Variants in MOV10L1 observed in about 807,000 individuals in gnomAD.
MOV10L1 encodes the protein RNA helicase Mov10l1.
MOV10L1 carries 110 observed loss-of-function variants against 143.8 expected under a neutral mutation model. The ratio of observed to expected loss-of-function variants is 0.76; its 90% confidence interval spans 0.66 to 0.90. The LOEUF is 0.90. MOV10L1 is among the 40% of genes least tolerant of loss of function. The pLI is 0.00. For missense variants in MOV10L1, 1,406 were observed against 1,526.8 expected, an observed-to-expected ratio of 0.92 and a Z score of 1.32; for synonymous variants, 593 against 581.1, an observed-to-expected ratio of 1.02 and a Z score of -0.29.
intron 12 of MOV10L1, among the ~76,000 whole-genome samples, chr22:50,127,426 G>T (rs933022820): frequency 2.6e-5 from 4 of 152,220 alleles, no homozygotes; most frequent in Non-Finnish European, 4.4e-5. Flanking sequence ...ACTAACGCAT[G>T]TCTCCTGTGT....
chr22:50,120,133 C>T (rs778201577), intron 9 of MOV10L1, among the ~76,000 whole-genome samples: 10 of 152,076 alleles, frequency 6.6e-5, no homozygotes, highest in Admixed American at 1.3e-4. Context: ...AGGGATAGGC[C>T]CAGGTGGAGT....
At chr22:50,108,485 T>C in intron 4 of MOV10L1, 172 bp from the exon 5 acceptor site, 1 of 770,312 alleles carries the variant, frequency 1.3e-6, no homozygotes, top group South Asian at 1.6e-5. Flanking sequence ...AGTGCTAAAA[T>C]GTTCTAAGGA....
intron 2 of MOV10L1, chr22:50,094,668 G>C (rs369773347): frequency 6.6e-6 from 1 of 152,182 alleles, no homozygotes; most frequent in Admixed American, 6.5e-5. Flanking sequence ...AAAGTGCCGG[G>C]ATTACAGGCA....
At chr22:50,095,821 G>A (rs1173987899) in intron 2 of MOV10L1, 1 of 151,500 alleles carries the variant, frequency 6.6e-6, no homozygotes, top group Non-Finnish European at 1.5e-5. Flanking sequence ...TGGTGAAGAG[G>A]GTTCATCTCT....
intron 19 of MOV10L1, among the ~76,000 whole-genome samples, chr22:50,146,793 G>A (rs757727174): frequency 7.9e-5 from 12 of 152,190 alleles, no homozygotes; most frequent in Non-Finnish European, 1.5e-4. Context: ...GTCACGGATG[G>A]TTTCATCGGC....
In MOV10L1 at chr22:50,117,160, T is replaced by A. The variant is rs1261212174; in HGVS notation, c.1263T>A (p.Asn421Lys). Residue 421 changes from asparagine (N) to lysine (K), a missense_variant, in exon 9 of 27, where the codon AAT (asparagine) becomes AAA (lysine). By Grantham distance (94) the Asn-to-Lys change is moderately conservative. Coordinates refer to ENST00000262794, the MANE Select transcript of MOV10L1 (RefSeq NM_018995.3). Reference sequence around the variant, plus strand: ...ATTTCATTTTGTTTTTTTCAAGAAATCCTGGCCGCTGCAAGGAGCTCCTTT... The same window carrying A: ...ATTTCATTTTGTTTTTTTCAAGAAAACCTGGCCGCTGCAAGGAGCTCCTTT... ...TFIVVICDGK[N>K]PGRCKELLLL... 1 of 1,592,358 alleles carries A rather than the reference T, an allele frequency of 6.3e-7. No homozygotes were observed. The highest frequency in any genetic ancestry group is 8.5e-7 in the Non-Finnish European group (1 of 1,170,320).
At chr22:50,146,927 AG>A (rs2063168378) in intron 19 of MOV10L1, 4 of 763,952 alleles carry the variant, frequency 5.2e-6, no homozygotes, top group Non-Finnish European at 8.8e-6. Context: ...TTACACTTAG[AG>A]CATGTCAGGT....
rs2062752780 is a variant in MOV10L1 at position 50,134,047 on chromosome 22, A to T, written c.1951A>T (p.Ile651Phe). 1.9e-6 allele frequency: 3 copies of T among 1,611,794 alleles called. No homozygotes were observed. The highest frequency in any genetic ancestry group is 1.7e-6 in the Non-Finnish European group (2 of 1,179,402). Residue 651 changes from isoleucine to phenylalanine, a missense_variant, in exon 14 of 27, where the codon ATC becomes TTC. Around this residue, in one of 3 missense-constraint regions of MOV10L1, gnomAD observed 1,233 missense variants for 1,351.4 expected, o/e 0.91. Coordinates refer to ENST00000262794, the MANE Select transcript of MOV10L1 (RefSeq NM_018995.3). ...GTGTCACTTTGCACTTGAACACGTC[A>T]TCCACTTAGGTGTAAAAGGTATTAC... ...RRCHFALEHV[I>F]HLGVKVLFPE... is the part of the protein sequence containing the mutation.
chr22:50,125,715 A>T (rs1019919122), intron 11 of MOV10L1, 146 bp downstream of exon 11: 4 of 759,318 alleles, frequency 5.3e-6, no homozygotes, highest in Non-Finnish European at 8.3e-6. Flanking sequence ...TCAGCAACCG[A>T]TGTACATCAA....
rs2062471594 is a variant in MOV10L1, at chr22:50,125,473, G to C, written c.1651G>C (p.Glu551Gln). The C allele has an allele frequency of 6.2e-7, 1 of 1,614,096 alleles. No individual in the cohort carries two copies. The highest frequency in any genetic ancestry group is 1.3e-5 in the African/African-American group (1 of 74,940). Reference sequence around the variant, plus strand: ...GATTTATGCAGAAATGGAACTGAAAGAGTATAACATGAGCGGGATCATCTT... The same window carrying C: ...GATTTATGCAGAAATGGAACTGAAACAGTATAACATGAGCGGGATCATCTT... ...EEIYAEMELK[E>Q]YNMSGIILRR... Residue 551 changes from glutamate to glutamine, a missense_variant, in exon 11 of 27, where the codon GAG becomes CAG. Glu to Gln is a conservative substitution (Grantham distance 29). Around this residue, in one of 3 missense-constraint regions of MOV10L1, gnomAD observed 1,233 missense variants for 1,351.4 expected, o/e 0.91. Coordinates refer to ENST00000262794, the MANE Select transcript of MOV10L1 (RefSeq NM_018995.3).
intron 14 of MOV10L1, 149 bp from the exon 15 acceptor site, chr22:50,134,381 G>T (rs2062762760): frequency 1.6e-6 from 1 of 638,106 alleles, no homozygotes; most frequent in African/African-American, 1.8e-5. Flanking sequence ...TACTAATAAT[G>T]CTATAATTTA....
intron 6 of MOV10L1, among the ~76,000 whole-genome samples, chr22:50,114,059 C>T (rs1433840305): frequency 1.3e-5 from 2 of 151,762 alleles, no homozygotes; most frequent in African/African-American, 2.4e-5. Context: ...GCTGGGACTA[C>T]AGGCGCCCGC....
At position 50,160,726 on chromosome 22, in the gene MOV10L1, T is replaced by C. The variant is rs780483315; in HGVS notation, c.3363T>C (p.Tyr1121=). ...SNEDRFEDDR[Y]FLGFLSNSKR... is the part of the protein sequence containing the mutation. ...AAGATAGATTTGAAGATGATCGATA[T>C]TTTTTGGGTTTCTTGTCCAACTCAA... The change falls in exon 25 of 27, where the codon TAT becomes TAC. Residue 1121 remains tyrosine (Y), a synonymous_variant. Transcript: ENST00000262794. 5.6e-5 allele frequency: 91 copies of C among 1,613,980 alleles called. No homozygotes were observed. Among genetic ancestry groups the C allele is most frequent in the Non-Finnish European group, 7.5e-5 (88 of 1,179,978 alleles).
intron 14 of MOV10L1, 137 bp from the exon 15 acceptor site, chr22:50,134,393 A>T (rs565235657): frequency 1.5e-6 from 1 of 666,890 alleles, no homozygotes; most frequent in Admixed American, 2.9e-5. Flanking sequence ...TATAATTTAG[A>T]AACAGTATAA....
rs772472452 is a variant in MOV10L1, at chr22:50,090,429, C to T, written c.97+244C>T. 4 of 1,594,930 alleles carry T rather than the reference C, an allele frequency of 2.5e-6. No homozygotes were observed. In the Admixed American group the frequency reaches 5.2e-5, roughly 21 times the overall value. The stretch of plus-strand genomic sequence containing the variant: ...CCGGTGACACCAGCCCCTCTTCCCG[C>T]CCTCACTTTGTGTGTTTACGCCGAG... On this transcript the variant is annotated intron_variant, in intron 1 of 26. Transcript: ENST00000262794.
chr22:50,160,542 G>C (rs957169994), intron 24 of MOV10L1, 146 bp from the exon 25 acceptor site: 1 of 1,027,900 alleles, frequency 9.7e-7, no homozygotes, highest in African/African-American at 1.6e-5. Flanking sequence ...GTGAGCCACC[G>C]CGCCCGGCCT....
rs2062476450 is a variant in MOV10L1 at position 50,125,585 on chromosome 22, A to G, written c.1747+16A>G. The G allele has an allele frequency of 6.2e-7, 1 of 1,611,526 alleles. No individual in the cohort carries two copies. Among genetic ancestry groups the G allele is most frequent in the African/African-American group, 1.3e-5 (1 of 74,842 alleles). ...CTCTACGCAGGTGTGTTTGTTACTC[A>G]TATGCTTCCCTGGGTGGACTAGCAG... On this transcript the variant is annotated intron_variant, in intron 11 of 26. Transcript: ENST00000262794.
In MOV10L1 at chr22:50,125,419, A is replaced by G. The variant is rs745882270; in HGVS notation, c.1597A>G (p.Lys533Glu). 2 of 1,614,126 alleles carry G rather than the reference A, an allele frequency of 1.2e-6. No individual in the cohort carries two copies. Among genetic ancestry groups the G allele is most frequent in the Non-Finnish European group, 1.7e-6 (2 of 1,180,002 alleles). The change falls in exon 11 of 27, where the codon AAG becomes GAG. Residue 533 changes from lysine (K) to glutamate (E), a missense_variant. Around this residue, in one of 3 missense-constraint regions of MOV10L1, gnomAD observed 1,233 missense variants for 1,351.4 expected, o/e 0.91. Transcript: ENST00000262794. ...TCTGAACATGTCAAATTACAAGGAGAAGTTTTCGACTTTGCTGTGGCTTGA... is the reference window on the plus strand; with the variant it reads ...TCTGAACATGTCAAATTACAAGGAGGAGTTTTCGACTTTGCTGTGGCTTGA... ...ELLNMSNYKE[K>E]FSTLLWLEEI...
chr22:50,098,358 C>T (rs561593674), intron 2 of MOV10L1, among the ~76,000 whole-genome samples: 26 of 149,726 alleles, frequency 1.7e-4, no homozygotes, highest in African/African-American at 3.2e-4. Flanking sequence ...AATTCATGAA[C>T]GCGGTTGTCT....
Sources: allele counts gnomAD v4.1 joint callset (sites outside exome capture counted in the v4.1 genomes callset), GRCh38; gene constraint gnomAD v4.1.1; regional missense constraint gnomAD v4.1.1; transcripts MANE v1.5; gene names NCBI Gene and HGNC (gene_info 2026-07-23, HGNC 2026-07-21).